PRX: variants seen among roughly 807,000 people sequenced by gnomAD.
PRX encodes the protein periaxin.
PRX carries 24 observed loss-of-function variants against 29.6 expected under a neutral mutation model. That is an observed-to-expected ratio of 0.81 (90% CI 0.59 to 1.14). The LOEUF (loss-of-function observed/expected upper bound fraction) is 1.14. PRX is among the 50% of genes most tolerant of loss of function. PRX has a pLI of 0.00. For missense variants in PRX, 1,838 were observed against 1,926.4 expected (o/e 0.95, Z 0.86); for synonymous variants, 772 against 831.7 (o/e 0.93, Z 1.24).
rs1367706585 is a variant in PRX, at chr19:40,398,584, G to A, written c.381+36C>T. 3.1e-6 allele frequency: 5 copies of A among 1,610,116 alleles called. No individual in the cohort carries two copies. The highest frequency in any genetic ancestry group is 4.2e-6 in the Non-Finnish European group (5 of 1,178,566). On this transcript the variant is annotated intron_variant, in intron 6 of 6. Transcript: ENST00000324001. This position sits in a 1 kb window ranked among gnomAD's most constrained non-coding sequence, Gnocchi z 6.3. ...ACGGCGCAGAGACCGGATCGCTGGG[G>A]CAGTCCAGGGCCGGGGCCGGGCTAA...
At chr19:40,404,123 G>A (rs2079515925) in intron 4 of PRX, among the ~76,000 whole-genome samples, 2 of 152,178 alleles carry the variant, frequency 1.3e-5, no homozygotes, top group Non-Finnish European at 2.9e-5. Context: ...TGTTCAGCGG[G>A]CCTTCAGGGC....
At chr19:40,410,233 T>C (rs1305953903) in intron 1 of PRX, among the ~76,000 whole-genome samples, 1 of 152,080 alleles carries the variant, frequency 6.6e-6, no homozygotes, top group Non-Finnish European at 1.5e-5. Context: ...TCTGGGCTTG[T>C]CCTCACAGCC....
chr19:40,400,224 T>C (rs1568712297), intron 5 of PRX, among the ~76,000 whole-genome samples: 3 of 143,580 alleles, frequency 2.1e-5, no homozygotes. Flanking sequence ...TCAGGTGATC[T>C]GCCCGCCTTG....
At chr19:40,402,048 C>A (rs917779403) in intron 5 of PRX, among the ~76,000 whole-genome samples, 1 of 152,102 alleles carries the variant, frequency 6.6e-6, no homozygotes, top group African/African-American at 2.4e-5. Flanking sequence ...CCAAGCCCAC[C>A]CCCATTTAAA....
At chr19:40,405,460 A>T (rs549152368) in intron 4 of PRX, among the ~76,000 whole-genome samples, 2 of 152,180 alleles carry the variant, frequency 1.3e-5, no homozygotes, top group South Asian at 4.1e-4. Context: ...GAGGGAGAGC[A>T]GGTCTAGGCC....
At chr19:40,414,708 G>A (rs1019026126), upstream of PRX, among the ~76,000 whole-genome samples, 3 of 151,938 alleles carry the variant, frequency 2.0e-5, no homozygotes, top group South Asian at 2.1e-4. Context: ...ACCAGACCCC[G>A]GGGGGCGGCA....
chr19:40,403,619 T>G, intron 5 of PRX, 87 bp downstream of exon 5: 5 of 1,410,372 alleles, frequency 3.5e-6, no homozygotes, highest in South Asian at 1.4e-5. Context: ...CATCCCCCGG[T>G]CAGTTTCAGC....
Position 40,394,445 on chromosome 19 carries a change from T to C in PRX, c.3907A>G (p.Lys1303Glu). The change falls in exon 7 of 7, where the codon AAG becomes GAG. Residue 1303 changes from lysine (K) to glutamate (E), a missense_variant. Lys to Glu is a moderately conservative substitution (Grantham distance 56). Around this residue, in one of 3 missense-constraint regions of PRX, gnomAD observed 1,143 missense variants for 1,193.0 expected, o/e 0.96. Transcript: ENST00000324001. This position sits in a 1 kb window ranked among gnomAD's most constrained non-coding sequence, Gnocchi z 5.8. ...VAEGEGEAGH[K>E]LKVRLPRFGL... ...AACCGGGGCAGCCGTACCTTGAGCTTGTGTCCGGCCTCTCCCTCCCCCTCT... is the reference window on the plus strand; with the variant it reads ...AACCGGGGCAGCCGTACCTTGAGCTCGTGTCCGGCCTCTCCCTCCCCCTCT... 6.2e-7 allele frequency: 1 copy of C among 1,602,624 alleles called. No individual in the cohort carries two copies. The highest frequency in any genetic ancestry group is 1.1e-5 in the South Asian group (1 of 89,490).
Position 40,396,105 on chromosome 19 carries a change from T to C in PRX, c.2247A>G (p.Lys749=), listed in dbSNP as rs766307270. The change falls in exon 7 of 7, where the codon AAA becomes AAG. Residue 749 remains lysine, a synonymous_variant. Coordinates refer to ENST00000324001, the MANE Select transcript of PRX (RefSeq NM_181882.3). ...DVHLPEVQLP[K]VSEIRLPEMQ... ...TTTCCGGCAGCCGAATCTCTGACAC[T>C]TTCGGCAGCTGCACCTCGGGGAGGT... 3.0e-5 allele frequency: 49 copies of C among 1,614,068 alleles called. No homozygotes were observed. The Admixed American group carries it at 7.0e-4, about 23-fold the overall frequency.
chr19:40,408,844 T>A (rs1315941494), intron 1 of PRX, among the ~76,000 whole-genome samples: 4 of 151,034 alleles, frequency 2.6e-5, no homozygotes, highest in East Asian at 1.9e-4. Flanking sequence ...TGTGTGTGTG[T>A]GTGAGAGAGA....
intron 5 of PRX, among the ~76,000 whole-genome samples, chr19:40,401,061 T>A (rs2079490827): frequency 6.6e-6 from 1 of 152,094 alleles, no homozygotes; most frequent in Non-Finnish European, 1.5e-5. Context: ...GACCAGCAAC[T>A]CCATCCTCAG....
At position 40,403,821 on chromosome 19, in the gene PRX, C is replaced by G. The variant is rs142535919; in HGVS notation, c.69G>C (p.Thr23=). 6.2e-7 allele frequency: 1 copy of G among 1,608,364 alleles called. No homozygotes were observed. The highest frequency in any genetic ancestry group is 1.1e-5 in the South Asian group (1 of 90,462). ...TGCCGCTGACCCCGGTCTGCGCCTC[C>G]GTCTCCACGATAATTTCCACCAACT... ...RAELVEIIVE[T]EAQTGVSGIN... is the part of the protein sequence containing the mutation. Residue 23 remains threonine (T), a synonymous_variant, in exon 5 of 7, where the codon ACG becomes ACC. Transcript: ENST00000324001.
intron 5 of PRX, among the ~76,000 whole-genome samples, chr19:40,402,554 G>A (rs541475382): frequency 2.9e-4 from 42 of 144,216 alleles, no homozygotes; most frequent in Admixed American, 4.8e-4. Flanking sequence ...GGCAGATCAC[G>A]AGGTCAGGAG....
At chr19:40,412,148 C>T (rs2079561379) in intron 1 of PRX, among the ~76,000 whole-genome samples, 1 of 152,238 alleles carries the variant, frequency 6.6e-6, no homozygotes, top group African/African-American at 2.4e-5. Context: ...CACTTGGGAA[C>T]CCTGCCTGCT....
rs142064826 is a variant in PRX, at chr19:40,396,983, C to T, written c.1369G>A (p.Glu457Lys). 230 of 1,614,144 alleles carry T rather than the reference C, an allele frequency of 1.4e-4. No individual in the cohort carries two copies. In the East Asian group the frequency reaches 4.6e-3, roughly 32 times the overall value. ...APEVKLPKVP[E>K]AALPEVRLPE... is the part of the protein sequence containing the mutation. Reference sequence around the variant, plus strand: ...AGTCGAACCTCTGGAAGGGCTGCCTCGGGCACTTTTGGAAGCTTGACCTCA... The same window carrying T: ...AGTCGAACCTCTGGAAGGGCTGCCTTGGGCACTTTTGGAAGCTTGACCTCA... The change falls in exon 7 of 7, where the codon GAG (glutamate) becomes AAG (lysine). Residue 457 changes from glutamate (E) to lysine (K), a missense_variant. Transcript: ENST00000324001.
Position 40,397,597 on chromosome 19 carries a change from G to T in PRX, c.755C>A (p.Ser252Ter). 1 of 1,541,374 alleles carries T rather than the reference G, an allele frequency of 6.5e-7. No individual in the cohort carries two copies. The part of the protein sequence containing the change: ...PGAEVGVPQV[S>*]APKAAPSAEA... ...TGCTGAGGGGGCAGCCTTGGGGGCT[G>T]AGACCTGGGGGACACCCACCTCCGC... The change falls in exon 7 of 7, where the codon TCA (serine) becomes TAA (stop). Residue 252 changes from serine (S) to a stop codon, truncating the protein, a stop_gained. Transcript: ENST00000324001. LOFTEE classifies it low-confidence loss of function (END_TRUNC).
At chr19:40,401,606 C>T (rs1044742089) in intron 5 of PRX, among the ~76,000 whole-genome samples, 2 of 152,170 alleles carry the variant, frequency 1.3e-5, no homozygotes, top group African/African-American at 4.8e-5. Context: ...TTACTCTCCT[C>T]TTCACTAACT....
In PRX at chr19:40,396,361, T is replaced by C. The variant is rs758728503; in HGVS notation, c.1991A>G (p.Glu664Gly). ...CTCAGGCATTTTAGGGAGTTTCATCTCTGGGACTTTCGGGAGCTGCACTTC... is the reference window on the plus strand; with the variant it reads ...CTCAGGCATTTTAGGGAGTTTCATCCCTGGGACTTTCGGGAGCTGCACTTC... ...LPEVQLPKVP[E>G]MKLPKMPEMA... is the part of the protein sequence containing the mutation. The change falls in exon 7 of 7, where the codon GAG (glutamate) becomes GGG (glycine). Residue 664 changes from glutamate (E) to glycine (G), a missense_variant. Physicochemically the swap from Glu to Gly is moderately conservative, Grantham distance 98. Transcript: ENST00000324001. 6.2e-7 allele frequency: 1 copy of C among 1,612,752 alleles called. No individual in the cohort carries two copies. Among genetic ancestry groups the C allele is most frequent in the Non-Finnish European group, 8.5e-7 (1 of 1,179,814 alleles).
upstream of PRX, chr19:40,413,423 G>C (rs549515664): frequency 6.6e-6 from 1 of 152,432 alleles, no homozygotes; most frequent in Non-Finnish European, 1.5e-5. Flanking sequence ...ATGGGGAGGG[G>C]GGAGGAGAGA....
Sources: gnomAD v4.1 joint callset for allele counts (sites outside exome capture counted in the v4.1 genomes callset) on GRCh38, gnomAD v4.1.1 for gene constraint, gnomAD v4.1.1 regional missense constraint, Gnocchi (gnomAD v3.1) non-coding constraint, MANE v1.5 for transcripts, NCBI Gene and HGNC (gene_info 2026-07-23, HGNC 2026-07-21) for gene names.